The following PSMF1 variants were observed in gnomAD, a reference collection of about 807,000 sequenced individuals.
The protein encoded by PSMF1 is proteasome inhibitor PI31 subunit.
Under a neutral mutation model 29.3 loss-of-function variants are expected in PSMF1, and 30 were observed. That is an observed-to-expected ratio of 1.02 (90% CI 0.77 to 1.39). The LOEUF is 1.39. PSMF1 is among the 40% of genes most tolerant of loss of function. PSMF1 has a pLI of 0.00. For synonymous variants in PSMF1, 134 were observed against 139.7 expected (o/e 0.96, Z 0.29); for missense variants, 344 against 357.5 (o/e 0.96, Z 0.31).
At chr20:1,160,987 G>A in intron 4 of PSMF1, 1 of 401,490 alleles carries the variant, frequency 2.5e-6, no homozygotes, top group Non-Finnish European at 5.0e-6. Context: ...GTACGTGGCA[G>A]TCCAGGCCAT....
chr20:1,159,071 A>G (rs1310308685), intron 4 of PSMF1, among the ~76,000 whole-genome samples: 8 of 140,002 alleles, frequency 5.7e-5, no homozygotes, highest in Non-Finnish European at 1.2e-4. Flanking sequence ...AAAAAAAAAA[A>G]GAAGAAGTAA....
rs1398803225 is a variant in PSMF1, at chr20:1,169,419, G to A, written c.*4339G>A. The stretch of plus-strand genomic sequence containing the variant: ...GGAGGAACGTGAGGCTGATGGTGCA[G>A]TGCAATAGAGGTCACTGGATGCCCA... On this transcript the variant is annotated 3_prime_UTR_variant, in exon 7 of 7. Coordinates refer to ENST00000335877, the MANE Select transcript of PSMF1 (RefSeq NM_006814.5). Among the ~76,000 whole-genome samples the A allele has an allele frequency of 2.0e-5, 3 of 152,212 alleles. No homozygotes were observed. The highest frequency in any genetic ancestry group is 4.4e-5 in the Non-Finnish European group (3 of 68,046).
At chr20:1,145,796 A>T (rs2086442320) in intron 4 of PSMF1, among the ~76,000 whole-genome samples, 1 of 152,204 alleles carries the variant, frequency 6.6e-6, no homozygotes, top group Non-Finnish European at 1.5e-5. Flanking sequence ...GAAGGATACC[A>T]GCCAAGCACT....
chr20:1,147,096 T>C lies in PSMF1; in HGVS notation c.551+11790T>C, dbSNP rs978661641. 7.2e-5 allele frequency among the ~76,000 whole-genome samples: 11 copies of C among 152,184 alleles called. 1 individual carries two copies. Among genetic ancestry groups the C allele is most frequent in the African/African-American group, 2.6e-4 (11 of 41,522 alleles). ...CCAGAGCGGGTGTTGGGCAAGTATTTAGGCCCAGGCCCAGGTCCATTATGG... is the reference window on the plus strand; with the variant it reads ...CCAGAGCGGGTGTTGGGCAAGTATTCAGGCCCAGGCCCAGGTCCATTATGG... On this transcript the variant is annotated intron_variant, in intron 4 of 6. Coordinates refer to ENST00000335877, the MANE Select transcript of PSMF1 (RefSeq NM_006814.5).
At chr20:1,136,492 C>A (rs2086308541) in intron 4 of PSMF1, among the ~76,000 whole-genome samples, 1 of 152,174 alleles carries the variant, frequency 6.6e-6, no homozygotes, top group Admixed American at 6.5e-5. Flanking sequence ...CATTTCAAAA[C>A]AAGTATTCTG....
intron 3 of PSMF1, among the ~76,000 whole-genome samples, chr20:1,131,935 T>A (rs1028070585): frequency 1.4e-4 from 22 of 152,180 alleles, no homozygotes; most frequent in African/African-American, 5.3e-4. Flanking sequence ...AAAGAAGACT[T>A]GAATTTACCC....
At position 1,135,325 on chromosome 20, in the gene PSMF1, G is replaced by A; in HGVS notation, c.551+19G>A. 1 of 1,593,336 alleles carries A rather than the reference G, an allele frequency of 6.3e-7. No homozygotes were observed. The highest frequency in any genetic ancestry group is 8.6e-7 in the Non-Finnish European group (1 of 1,169,338). ...CTCCCTGGTGAGTACAGAGTGCCTA[G>A]CGGGAAGCCCATGCTTCTGTAGAGG... On this transcript the variant is annotated intron_variant, in intron 4 of 6. Transcript: ENST00000335877.
chr20:1,141,354 G>A (rs1378487066), intron 4 of PSMF1, among the ~76,000 whole-genome samples: 1 of 152,094 alleles, frequency 6.6e-6, no homozygotes, highest in Non-Finnish European at 1.5e-5. Flanking sequence ...ATAAAAAATG[G>A]GTATTTTACA....
intron 3 of PSMF1, among the ~76,000 whole-genome samples, chr20:1,130,176 A>T (rs2086210217): frequency 6.6e-6 from 1 of 152,188 alleles, no homozygotes; most frequent in Non-Finnish European, 1.5e-5. Flanking sequence ...CAAGAGGGGA[A>T]TAGGAAGGGG....
At chr20:1,150,149 C>T (rs1383942031) in intron 4 of PSMF1, among the ~76,000 whole-genome samples, 1 of 151,246 alleles carries the variant, frequency 6.6e-6, no homozygotes, top group Non-Finnish European at 1.5e-5. Context: ...TACTGTACTC[C>T]AGCCTGGGCA....
At position 1,157,387 on chromosome 20, in the gene PSMF1, A is replaced by G. The variant is rs544130644; in HGVS notation, c.552-5743A>G. 2.6e-5 allele frequency among the ~76,000 whole-genome samples: 4 copies of G among 152,320 alleles called. No homozygotes were observed. The East Asian group carries it at 7.7e-4, about 29-fold the overall frequency. Reference sequence around the variant, plus strand: ...TGATACACATCTCCTGAGATCATACATAATCTTCAAATAAAGCCAAAATAA... The same window carrying G: ...TGATACACATCTCCTGAGATCATACGTAATCTTCAAATAAAGCCAAAATAA... On this transcript the variant is annotated intron_variant, in intron 4 of 6. Coordinates refer to ENST00000335877, the MANE Select transcript of PSMF1 (RefSeq NM_006814.5).
chr20:1,130,948 G>A (rs1462715922), intron 3 of PSMF1, among the ~76,000 whole-genome samples: 1 of 152,174 alleles, frequency 6.6e-6, no homozygotes, highest in Non-Finnish European at 1.5e-5. Flanking sequence ...TGATCTCCTT[G>A]AGGGCAGGGT....
In PSMF1 at chr20:1,143,838, C is replaced by G. The variant is rs148251703; in HGVS notation, c.551+8532C>G. Among the ~76,000 whole-genome samples, 665 of 152,272 alleles carry G rather than the reference C, an allele frequency of 4.4e-3. 2 individuals are homozygous for G. Among genetic ancestry groups the G allele is most frequent in the African/African-American group, 0.015 (636 of 41,554 alleles). On this transcript the variant is annotated intron_variant, in intron 4 of 6. Coordinates refer to ENST00000335877, the MANE Select transcript of PSMF1 (RefSeq NM_006814.5). ...AGGCATGGTGGCTCATGCCTGTAAT[C>G]CCAGTACTTTGGGAAGCTGAGGTGG...
intron 4 of PSMF1, among the ~76,000 whole-genome samples, chr20:1,154,473 C>T (rs554362655): frequency 6.6e-6 from 1 of 152,300 alleles, no homozygotes; most frequent in East Asian, 1.9e-4. Flanking sequence ...TGCATATGTA[C>T]ACATATACTT....
At chr20:1,125,432 T>G in intron 1 of PSMF1, 66 bp from the exon 2 acceptor site, 196 of 1,474,178 alleles carry the variant, frequency 1.3e-4, no homozygotes, top group Non-Finnish European at 1.6e-4. Context: ...GCTTATCTCG[T>G]GAGGTTCTTT....
intron 4 of PSMF1, among the ~76,000 whole-genome samples, chr20:1,146,247 C>T (rs1455140672): frequency 6.6e-6 from 1 of 152,144 alleles, no homozygotes; most frequent in East Asian, 1.9e-4. Context: ...ATTTCTTAAA[C>T]TCTCTTTCTG....
intron 3 of PSMF1, among the ~76,000 whole-genome samples, chr20:1,132,534 C>A (rs897106023): frequency 6.6e-6 from 1 of 152,132 alleles, no homozygotes; most frequent in Non-Finnish European, 1.5e-5. Flanking sequence ...CTTAGCCTCC[C>A]AAAGTGCTGG....
At chr20:1,115,106 C>G (rs6074137), upstream of PSMF1, among the ~76,000 whole-genome samples, 24 of 53,904 alleles carry the variant, frequency 4.5e-4, no homozygotes, top group South Asian at 2.0e-3. Context: ...TGTATGCAAA[C>G]CAGTGTTGAA....
intron 4 of PSMF1, among the ~76,000 whole-genome samples, chr20:1,155,818 A>AT (rs1386057516): frequency 6.6e-6 from 1 of 152,230 alleles, no homozygotes; most frequent in African/African-American, 2.4e-5. Context: ...AACTAGGTTG[A>AT]TTGCCTGCTA....
Sources: gnomAD v4.1 joint callset for allele counts (sites outside exome capture counted in the v4.1 genomes callset) on GRCh38, gnomAD v4.1.1 for gene constraint, MANE v1.5 for transcripts, NCBI Gene and HGNC (gene_info 2026-07-23, HGNC 2026-07-21) for gene names.